Variants in ARHGEF10 observed in about 807,000 individuals in gnomAD.
ARHGEF10 encodes the protein Rho guanine nucleotide exchange factor (GEF) 10.
ARHGEF10 carries 140 observed loss-of-function variants against 147.4 expected under a neutral mutation model. The observed-to-expected ratio is 0.95, with a 90% CI of 0.83 to 1.09. The LOEUF (loss-of-function observed/expected upper bound fraction) is 1.09. Ranked by LOEUF, ARHGEF10 falls within the 50% of genes least tolerant of loss-of-function variation. ARHGEF10 has a pLI of 0.00. For missense variants in ARHGEF10, 2,222 were observed against 1,752.7 expected, an observed-to-expected ratio of 1.27 and a Z score of -4.78; for synonymous variants, 902 against 695.8, an observed-to-expected ratio of 1.30 and a Z score of -4.67.
At chr8:1,898,558 T>C (rs1224159451) in intron 15 of ARHGEF10, 33 bp downstream of exon 15, 1 of 1,594,108 alleles carries the variant, frequency 6.3e-7, no homozygotes, top group Non-Finnish European at 8.6e-7. Context: ...CTCAAGCTAG[T>C]CCTCTGGCTC....
rs778958747 is a variant in ARHGEF10, at chr8:1,896,338, T to A, written c.1446T>A (p.Ser482=). 1.2e-6 allele frequency: 2 copies of A among 1,612,762 alleles called. No individual in the cohort carries two copies. The highest frequency in any genetic ancestry group is 4.5e-5 in the East Asian group (2 of 44,864). ...MIGDVFVASF[S]KSMVLDAYSE... ...AATTTCCTCCTGTGTTTCAGTTTTC[T>A]AAGTCCATGGTGCTGGATGCATACA... Residue 482 remains serine, a synonymous_variant, in exon 14 of 29, where the codon TCT becomes TCA. Coordinates refer to ENST00000349830, the MANE Select transcript of ARHGEF10 (RefSeq NM_014629.4).
At chr8:1,884,425 A>T (rs1446924708) in intron 10 of ARHGEF10, among the ~76,000 whole-genome samples, 1 of 151,744 alleles carries the variant, frequency 6.6e-6, no homozygotes, top group Non-Finnish European at 1.5e-5. Context: ...GCAAATCCCT[A>T]ACCTCCCAAC....
At chr8:1,935,841 A>G (rs1293957961) in intron 26 of ARHGEF10, among the ~76,000 whole-genome samples, 1 of 152,324 alleles carries the variant, frequency 6.6e-6, no homozygotes, top group East Asian at 1.9e-4. Flanking sequence ...AGGAGGCCCA[A>G]ACTCTCCTTG....
rs779063611 is a variant in ARHGEF10 at position 1,909,432 on chromosome 8, C to T, written c.2105C>T (p.Pro702Leu). ...GEHSRHLAVH[P>L]PESLAVVANA... ...CACAGCAGGCACCTTGCCGTTCACC[C>T]GCCGGAGAGCCTGGCCGTGGTTGCT... The change falls in exon 18 of 29, where the codon CCG becomes CTG. Residue 702 changes from proline (P) to leucine (L), a missense_variant. Coordinates refer to ENST00000349830, the MANE Select transcript of ARHGEF10 (RefSeq NM_014629.4). The T allele has an allele frequency of 2.6e-5, 42 of 1,614,000 alleles. No individual in the cohort carries two copies. The Middle Eastern group carries it at 4.9e-4, about 19-fold the overall frequency.
intron 1 of ARHGEF10, among the ~76,000 whole-genome samples, chr8:1,838,543 C>G (rs1341362579): frequency 6.6e-6 from 1 of 152,236 alleles, no homozygotes; most frequent in Non-Finnish European, 1.5e-5. Context: ...CTCTTCAGAC[C>G]TCATGTGTTC....
At chr8:1,893,911 C>T (rs908145768) in intron 12 of ARHGEF10, among the ~76,000 whole-genome samples, 2 of 152,044 alleles carry the variant, frequency 1.3e-5, no homozygotes, top group Non-Finnish European at 2.9e-5. Flanking sequence ...CGGTGGCTCA[C>T]CCCTGTAATC....
chr8:1,906,203 G>C lies in ARHGEF10; in HGVS notation c.1967+487G>C, dbSNP rs192695795. Among the ~76,000 whole-genome samples the C allele has an allele frequency of 2.9e-3, 447 of 152,280 alleles. 3 individuals carry two copies. The highest frequency in any genetic ancestry group is 0.01 in the African/African-American group (430 of 41,544). ...TGCATGGAATATTGTAGTGAGATGA[G>C]GATATGTGAGAAACTAAAAGGTCTT... is the stretch of plus-strand genomic sequence containing the variant. On this transcript the variant is annotated intron_variant, in intron 17 of 28. Transcript: ENST00000349830.
At chr8:1,910,150 C>G (rs1780318166) in intron 18 of ARHGEF10, among the ~76,000 whole-genome samples, 1 of 151,896 alleles carries the variant, frequency 6.6e-6, no homozygotes, top group African/African-American at 2.4e-5. Flanking sequence ...GGGCTCTACC[C>G]CTGAATTGTA....
intron 25 of ARHGEF10, among the ~76,000 whole-genome samples, chr8:1,932,449 T>A (rs1813227703): frequency 6.6e-6 from 1 of 152,098 alleles, no homozygotes; most frequent in Non-Finnish European, 1.5e-5. Flanking sequence ...TGTGCACATG[T>A]GCATGCCTGC....
rs991627221 is a variant in ARHGEF10 at position 1,906,411 on chromosome 8, G to A, written c.1967+695G>A. ...TTGGTAGCTTGAAGTCATCCACACG[G>A]GAACATTTACAGCATGGAATTTGCC... is the stretch of plus-strand genomic sequence containing the variant. On this transcript the variant is annotated intron_variant, in intron 17 of 28. Coordinates refer to ENST00000349830, the MANE Select transcript of ARHGEF10 (RefSeq NM_014629.4). 1.5e-4 allele frequency among the ~76,000 whole-genome samples: 23 copies of A among 152,120 alleles called. 1 individual carries two copies. The highest frequency in any genetic ancestry group is 4.8e-4 in the African/African-American group (20 of 41,410).
chr8:1,945,858 AG>A (rs1814537925), intron 27 of ARHGEF10: 1 of 568,896 alleles, frequency 1.8e-6, no homozygotes. Flanking sequence ...TTCCCGGTGC[AG>A]GGCACAGGTC....
At chr8:1,898,364 AGGC>A in intron 14 of ARHGEF10, 66 bp from the exon 15 acceptor site, 1 of 1,354,832 alleles carries the variant, frequency 7.4e-7, no homozygotes, top group Non-Finnish European at 1.1e-6. Context: ...GGTGGGGAGG[AGGC>A]GGCCCCAGGG....
At chr8:1,842,010 G>T (rs375140656) in intron 1 of ARHGEF10, among the ~76,000 whole-genome samples, 4,141 of 59,162 alleles carry the variant, frequency 0.07, 353 homozygotes, top group African/African-American at 0.16. Flanking sequence ...GGGAACTGGG[G>T]CCGCGGCGGG....
intron 26 of ARHGEF10, among the ~76,000 whole-genome samples, chr8:1,941,125 T>G (rs1364591274): frequency 1.3e-5 from 2 of 152,168 alleles, no homozygotes; most frequent in Non-Finnish European, 2.9e-5. Flanking sequence ...CCAGAGCAAT[T>G]AGACAAGGGA....
chr8:1,908,433 T>A (rs35766118), intron 17 of ARHGEF10, among the ~76,000 whole-genome samples: 7 of 151,874 alleles, frequency 4.6e-5, no homozygotes, highest in Non-Finnish European at 1.0e-4. Context: ...GGGGTGTCAC[T>A]GTGTTAGCCA....
rs1805589995 is a variant in ARHGEF10 at position 1,856,828 on chromosome 8, G to A, written c.38-1132G>A. Among the ~76,000 whole-genome samples, 4 of 152,344 alleles carry A rather than the reference G, an allele frequency of 2.6e-5. No individual in the cohort carries two copies. In the South Asian group the frequency reaches 8.3e-4, roughly 32 times the overall value. On this transcript the variant is annotated intron_variant, in intron 2 of 28. Transcript: ENST00000349830. The stretch of plus-strand genomic sequence containing the variant: ...GGCATGGCAGCAGGAGGTTTCCTCA[G>A]GAACGTGTGCTGGGAAGAAATCCCA...
intron 25 of ARHGEF10, among the ~76,000 whole-genome samples, chr8:1,931,432 C>T (rs1222713991): frequency 2.0e-5 from 3 of 152,260 alleles, no homozygotes; most frequent in Non-Finnish European, 4.4e-5. Flanking sequence ...GTCCTGTCCA[C>T]TGTGGAGCCC....
At chr8:1,945,881 G>GCGTGCTGGGAGGAGCCA (rs1289250605) in intron 27 of ARHGEF10, 18 of 759,624 alleles carry the variant, frequency 2.4e-5, no homozygotes, top group African/African-American at 5.2e-5. Context: ...TGAAGGAGCC[G>GCGTGCTGGGAGGAGCCA]CGTGCTGGGA....
At chr8:1,916,535 G>A (rs1299058326) in intron 18 of ARHGEF10, among the ~76,000 whole-genome samples, 1 of 152,180 alleles carries the variant, frequency 6.6e-6, no homozygotes, top group African/African-American at 2.4e-5. Context: ...TCAGTGCTGT[G>A]GTTTCAGCTT....
Sources: allele counts gnomAD v4.1 joint callset (sites outside exome capture counted in the v4.1 genomes callset), GRCh38; gene constraint gnomAD v4.1.1; transcripts MANE v1.5; gene names NCBI Gene and HGNC (gene_info 2026-07-23, HGNC 2026-07-21).